The following RSPH14 variants were observed in gnomAD, a reference collection of about 807,000 sequenced individuals.
RSPH14 encodes radial spoke head 14 homolog, also known as rhabdoid tumor deletion region gene 1.
Under a neutral mutation model 26.7 loss-of-function variants are expected in RSPH14, and 20 were observed. The ratio of observed to expected loss-of-function variants is 0.75; its 90% CI spans 0.53 to 1.09. The LOEUF (loss-of-function observed/expected upper bound fraction) is 1.09, where lower values mean the gene tolerates loss of function less well. Among genes scored for constraint, RSPH14 ranks in the 50% least tolerant of loss-of-function variants. The probability of loss-of-function intolerance (pLI) is 0.00; values close to 1 mark genes in which losing one functional copy is unlikely to be tolerated. For missense variants in RSPH14, 449 were observed against 457.2 expected (o/e 0.98, Z 0.16); for synonymous variants, 177 against 189.3 (o/e 0.93, Z 0.53).
chr22:23,124,024 C>G (rs2070105547), intron 4 of RSPH14: 2 of 232,506 alleles, frequency 8.6e-6, no homozygotes, highest in Non-Finnish European at 1.7e-5. Context: ...ACCAGACCTC[C>G]AGCCACTCAC....
intron 3 of RSPH14, among the ~76,000 whole-genome samples, chr22:23,135,317 C>CAGAAAAAAAAA (rs2070451266): frequency 1.2e-5 from 1 of 85,890 alleles, no homozygotes. Context: ...ACTAAAAATA[C>CAGAAAAAAAAA]AAAAAAAAAA....
intron 4 of RSPH14, 106 bp from the exon 5 acceptor site, chr22:23,064,239 G>C (rs1398181444): frequency 9.3e-7 from 1 of 1,077,368 alleles, no homozygotes; most frequent in East Asian, 2.5e-5. Flanking sequence ...CAGTGGGTGG[G>C]TTTGACAAAA....
chr22:23,072,866 G>A (rs2068414058), intron 4 of RSPH14, among the ~76,000 whole-genome samples: 2 of 152,238 alleles, frequency 1.3e-5, no homozygotes, highest in African/African-American at 4.8e-5. Context: ...AGAACCTGGT[G>A]CAGGAGTATG....
chr22:23,127,306 G>A (rs1234013876), intron 4 of RSPH14, among the ~76,000 whole-genome samples: 5 of 152,184 alleles, frequency 3.3e-5, no homozygotes, highest in South Asian at 2.1e-4. Flanking sequence ...CTGACAGGCC[G>A]GGAACCAAGA....
At chr22:23,122,741 G>A (rs987328102) in intron 4 of RSPH14, 7 of 302,294 alleles carry the variant, frequency 2.3e-5, no homozygotes, top group Middle Eastern at 1.0e-3. Flanking sequence ...GGAAGATGGG[G>A]GGTCCTCGGA....
rs775881055 is a variant in RSPH14 at position 23,059,553 on chromosome 22, A to T, written c.956T>A (p.Met319Lys). The change falls in exon 7 of 7, where the codon ATG becomes AAG. Residue 319 changes from methionine (M) to lysine (K), a missense_variant. Physicochemically the swap from Met to Lys is moderately conservative, Grantham distance 95. Transcript: ENST00000216036. ...AGGCTTTTCGTAAGTCTCCACCTCC[A>T]TGGCACGGAAAGTGGGCACGTGCGT... is the stretch of plus-strand genomic sequence containing the variant. ...LQTHVPTFRA[M>K]EVETYEKPQV... 2.8e-5 allele frequency: 45 copies of T among 1,614,060 alleles called. 2 individuals are homozygous for T. Among genetic ancestry groups the T allele is most frequent in the Middle Eastern group, 1.6e-4 (1 of 6,084 alleles).
Position 23,082,251 on chromosome 22 carries a change from C to T in RSPH14, c.422-18118G>A, listed in dbSNP as rs183963365. ...TTGTTTATTTGTTTTGAGTCTCGCC[C>T]TGTTGACCAGGCTGGAGTGTAATGG... On this transcript the variant is annotated intron_variant, in intron 4 of 6. Coordinates refer to ENST00000216036, the MANE Select transcript of RSPH14 (RefSeq NM_014433.3). Among the ~76,000 whole-genome samples the T allele has an allele frequency of 4.4e-3, 668 of 151,478 alleles. 2 individuals carry two copies. Among genetic ancestry groups the T allele is most frequent in the African/African-American group, 0.015 (638 of 41,360 alleles).
chr22:23,153,108 TG>T, the RSPH14 span: 1 of 1,614,076 alleles, frequency 6.2e-7, no homozygotes, highest in Non-Finnish European at 8.5e-7. Context: ...GCTTTGAGAT[TG>T]CTGGGATTCC....
chr22:23,123,037 GTC>G (rs757606624), intron 4 of RSPH14: 2 of 1,266,366 alleles, frequency 1.6e-6, no homozygotes, highest in East Asian at 4.6e-5. Flanking sequence ...TCTAGGGTCT[GTC>G]TCTGCCTGCT....
the RSPH14 span, chr22:23,153,601 A>C: frequency 1.0e-6 from 1 of 984,518 alleles, no homozygotes; most frequent in African/African-American, 1.8e-5. Flanking sequence ...CACAGCACCC[A>C]CATCCTTCCT....
chr22:23,099,535 C>G (rs1210749193), intron 4 of RSPH14, among the ~76,000 whole-genome samples: 2 of 152,232 alleles, frequency 1.3e-5, no homozygotes, highest in African/African-American at 2.4e-5. Flanking sequence ...TGTGGGGCAG[C>G]AGCGCCTGTT....
chr22:23,180,591 C>CGGCGGCGGCGGCGGCG, the RSPH14 span: 1 of 27,624 alleles, frequency 3.6e-5, no homozygotes, highest in Non-Finnish European at 4.7e-5. Context: ...GCGGCGGCGG[C>CGGCGGCGGCGGCGGCG]ACGGCGGCGG....
intron 4 of RSPH14, among the ~76,000 whole-genome samples, chr22:23,128,484 G>A (rs555383264): frequency 1.6e-4 from 24 of 152,334 alleles, no homozygotes; most frequent in Admixed American, 1.4e-3. Flanking sequence ...GCACCACCAC[G>A]GCGCATGAGT....
intron 3 of RSPH14, chr22:23,136,091 T>C: frequency 3.7e-6 from 2 of 539,278 alleles, no homozygotes; most frequent in Non-Finnish European, 3.3e-6. Context: ...GGGTCTTCCC[T>C]GACCACGGGG....
intron 4 of RSPH14, among the ~76,000 whole-genome samples, chr22:23,125,997 TA>T (rs970725246): frequency 1.2e-4 from 19 of 152,214 alleles, no homozygotes; most frequent in African/African-American, 4.1e-4. Flanking sequence ...TCCCTACTCC[TA>T]AGCCCACGCA....
At chr22:23,171,881 T>C in the RSPH14 span, among the ~76,000 whole-genome samples, 1 of 149,732 alleles carries the variant, frequency 6.7e-6, no homozygotes, top group Non-Finnish European at 1.5e-5. Flanking sequence ...AGCAATGTTA[T>C]TGACAACAGT....
intron 4 of RSPH14, among the ~76,000 whole-genome samples, chr22:23,088,641 G>A (rs935404737): frequency 2.0e-5 from 3 of 152,180 alleles, no homozygotes; most frequent in Non-Finnish European, 4.4e-5. Flanking sequence ...CGGTAGGGTG[G>A]AAAGGACTTG....
At chr22:23,160,776 T>G in the RSPH14 span, 1 of 1,500,766 alleles carries the variant, frequency 6.7e-7, no homozygotes, top group Non-Finnish European at 9.0e-7. Context: ...TAGAAAGGGC[T>G]ACGTGCCAAC....
chr22:23,146,792 G>T, upstream of RSPH14: 1 of 1,464,178 alleles, frequency 6.8e-7, no homozygotes, highest in Non-Finnish European at 9.1e-7. Flanking sequence ...AAGGAGGTCT[G>T]TCCATTGTCA....
Sources: allele counts gnomAD v4.1 joint callset (sites outside exome capture counted in the v4.1 genomes callset), GRCh38; gene constraint gnomAD v4.1.1; transcripts MANE v1.5; gene names NCBI Gene and HGNC (gene_info 2026-07-23, HGNC 2026-07-21).